The following LRRC2 variants were observed in gnomAD, a reference collection of about 807,000 sequenced individuals.
LRRC2 encodes the protein leucine rich repeat containing 2, also known as leucine-rich repeat-containing protein 2.
LRRC2 carries 27 observed loss-of-function variants against 40.2 expected under a neutral mutation model. The ratio of observed to expected loss-of-function variants is 0.67; its 90% CI spans 0.49 to 0.93. The LOEUF (loss-of-function observed/expected upper bound fraction) is 0.93. LRRC2 is among the 40% of genes least tolerant of loss of function. The pLI is 0.00. For missense variants in LRRC2, 402 were observed against 439.6 expected (o/e 0.91, Z 0.76); for synonymous variants, 147 against 158.9 (o/e 0.92, Z 0.56).
chr3:46,534,428 C>G (rs1045940180), intron 4 of LRRC2, among the ~76,000 whole-genome samples: 3 of 107,898 alleles, frequency 2.8e-5, no homozygotes, highest in African/African-American at 5.6e-5. Flanking sequence ...TCCTTCCTTT[C>G]TTTCTTTCTT....
chr3:46,548,658 CAAT>C (rs1294684114), intron 2 of LRRC2, among the ~76,000 whole-genome samples: 1 of 152,228 alleles, frequency 6.6e-6, no homozygotes, highest in Non-Finnish European at 1.5e-5. Context: ...CAAACAGCCT[CAAT>C]GGAGAAGAAA....
In LRRC2 at chr3:46,529,834, T is replaced by C; in HGVS notation, c.773+71A>G. The C allele has an allele frequency of 2.7e-6, 4 of 1,505,422 alleles. No homozygotes were observed. The South Asian group carries it at 4.7e-5, about 18-fold the overall frequency. The allele number at this position is 1,505,422 out of a possible 1,614,324, so 93.3% of individuals were successfully genotyped here. A position where few individuals can be genotyped will look rare whatever the true frequency, so the allele number is the denominator to read the frequency against. On this transcript the variant is annotated intron_variant, in intron 6 of 8. Coordinates refer to ENST00000395905, the MANE Select transcript of LRRC2 (RefSeq NM_024512.5). ...AAGAACATTCATGTACTATACATGT[T>C]TCAAATGTTAACAGTGTTTGAAGCG...
chr3:46,551,338 T>G, intron 2 of LRRC2, 129 bp downstream of exon 2: 1 of 1,174,968 alleles, frequency 8.5e-7, no homozygotes, highest in Non-Finnish European at 1.2e-6. Flanking sequence ...CTCTGAAGTT[T>G]AATGAGGAAA....
intron 2 of LRRC2, among the ~76,000 whole-genome samples, chr3:46,550,804 C>T (rs931674071): frequency 5.9e-5 from 9 of 152,172 alleles, no homozygotes; most frequent in Non-Finnish European, 1.0e-4. Context: ...CCCATTGTGT[C>T]AATCTTATAT....
At position 46,518,897 on chromosome 3, in the gene LRRC2, T is replaced by C; in HGVS notation, c.*117A>G. 2 of 745,350 alleles carry C rather than the reference T, an allele frequency of 2.7e-6. No homozygotes were observed. The highest frequency in any genetic ancestry group is 4.7e-6 in the Non-Finnish European group (2 of 425,862). 46.2% of individuals were successfully genotyped at this position (745,350 alleles called of 1,614,324 possible). On this transcript the variant is annotated 3_prime_UTR_variant, in exon 9 of 9. Coordinates refer to ENST00000395905, the MANE Select transcript of LRRC2 (RefSeq NM_024512.5). The stretch of plus-strand genomic sequence containing the variant: ...AAACCATTTTTTTTAGCAACTATGA[T>C]AGTGGTTTCTAGACTTTGTCCTTAA...
rs115685388 is a variant in LRRC2, at chr3:46,544,532, C to T, written c.333+514G>A. Among the ~76,000 whole-genome samples the T allele has an allele frequency of 4.2e-3, 647 of 152,236 alleles. 10 individuals are homozygous for T. The highest frequency in any genetic ancestry group is 0.015 in the African/African-American group (609 of 41,540). On this transcript the variant is annotated intron_variant, in intron 3 of 8. Transcript: ENST00000395905. ...GATACAAAGAGATGGACGGAGGGTC[C>T]CAGGGAACCCTGTCCCGATGAAATG... is the stretch of plus-strand genomic sequence containing the variant.
At chr3:46,538,166 T>C (rs1704307428) in intron 4 of LRRC2, among the ~76,000 whole-genome samples, 1 of 152,182 alleles carries the variant, frequency 6.6e-6, no homozygotes, top group East Asian at 1.9e-4. Flanking sequence ...AATTTTCACA[T>C]AACTATGCGA....
chr3:46,534,415 C>CT (rs1704229600), intron 4 of LRRC2, among the ~76,000 whole-genome samples: 4 of 79,354 alleles, frequency 5.0e-5, no homozygotes, highest in South Asian at 6.1e-4. Flanking sequence ...CTTTTCTTTT[C>CT]CTTCCTTCCT....
intron 1 of LRRC2, among the ~76,000 whole-genome samples, chr3:46,562,731 C>CCT (rs1704972288): frequency 7.0e-6 from 1 of 141,912 alleles, no homozygotes; most frequent in Non-Finnish European, 1.5e-5. Flanking sequence ...GAAGTTACTT[C>CCT]TTTTTTTTTT....
In LRRC2 at chr3:46,518,040, T is replaced by C. The variant is rs1354066976; in HGVS notation, c.*974A>G. ...CCACTCAGGACTGGATGGCCATCCA[T>C]GAAGGCCACTGAAGACTTCCCATGA... On this transcript the variant is annotated 3_prime_UTR_variant, in exon 9 of 9. Coordinates refer to ENST00000395905, the MANE Select transcript of LRRC2 (RefSeq NM_024512.5). 2 of 152,240 alleles carry C rather than the reference T, an allele frequency of 1.3e-5. No homozygotes were observed. The highest frequency in any genetic ancestry group is 1.3e-4 in the Admixed American group (2 of 15,278). 9.4% of individuals were successfully genotyped at this position (152,240 alleles called of 1,614,324 possible).
intron 5 of LRRC2, among the ~76,000 whole-genome samples, chr3:46,530,733 C>T (rs1404820355): frequency 6.6e-6 from 1 of 152,154 alleles, no homozygotes; most frequent in African/African-American, 2.4e-5. Flanking sequence ...ATAAAACCAC[C>T]AGATCTCATG....
chr3:46,533,041 G>GT (rs751523220), intron 4 of LRRC2, 132 bp from the exon 5 acceptor site: 78 of 894,544 alleles, frequency 8.7e-5, no homozygotes, highest in Non-Finnish European at 1.3e-4. Flanking sequence ...TAGTATTTGG[G>GT]TTTTGGGGGG....
At chr3:46,552,076 A>G (rs1704669182) in intron 1 of LRRC2, among the ~76,000 whole-genome samples, 1 of 152,092 alleles carries the variant, frequency 6.6e-6, no homozygotes, top group Non-Finnish European at 1.5e-5. Flanking sequence ...AGTAAGTCAT[A>G]GTTCAACACT....
rs1174840925 is a variant in LRRC2 at position 46,563,951 on chromosome 3, G to C, written c.-20+2226C>G. On this transcript the variant is annotated intron_variant, in intron 1 of 8. Transcript: ENST00000395905. Reference sequence around the variant, plus strand: ...TCTCCTGCTTCTGAACCTCAACACAGAAACCGTGTGTACTGAGCCAGTGTA... The same window carrying C: ...TCTCCTGCTTCTGAACCTCAACACACAAACCGTGTGTACTGAGCCAGTGTA... Among the ~76,000 whole-genome samples, 35 of 152,228 alleles carry C rather than the reference G, an allele frequency of 2.3e-4. 1 individual carries two copies. The highest frequency in any genetic ancestry group is 2.3e-3 in the Admixed American group (35 of 15,284).
At chr3:46,559,842 C>T (rs1197741344) in intron 1 of LRRC2, 1 of 152,198 alleles carries the variant, frequency 6.6e-6, no homozygotes, top group Non-Finnish European at 1.5e-5. Flanking sequence ...CCATGTTCAC[C>T]ATTTTCCCTG....
At chr3:46,523,567 C>T (rs553722291) in intron 7 of LRRC2, among the ~76,000 whole-genome samples, 10 of 152,202 alleles carry the variant, frequency 6.6e-5, no homozygotes, top group Admixed American at 6.5e-4. Context: ...GAAAAAAGTT[C>T]ATAGTGAACA....
At chr3:46,556,740 G>A (rs559003406) in intron 1 of LRRC2, among the ~76,000 whole-genome samples, 2 of 151,624 alleles carry the variant, frequency 1.3e-5, no homozygotes, top group African/African-American at 2.4e-5. Context: ...CACCACGCCC[G>A]GCTAATTTTT....
chr3:46,552,034 A>T (rs1361564667), intron 1 of LRRC2, among the ~76,000 whole-genome samples: 1 of 151,922 alleles, frequency 6.6e-6, no homozygotes, highest in Non-Finnish European at 1.5e-5. Context: ...ACAGTTTCCT[A>T]ATGTTCTTAA....
At chr3:46,527,330 A>C in intron 7 of LRRC2, 96 bp downstream of exon 7, 2 of 1,304,772 alleles carry the variant, frequency 1.5e-6, no homozygotes, top group Non-Finnish European at 2.2e-6. Flanking sequence ...TACGAGAGCC[A>C]TCTAATCCGG....
Sources: gnomAD v4.1 joint callset for allele counts (sites outside exome capture counted in the v4.1 genomes callset) on GRCh38, gnomAD v4.1.1 for gene constraint, MANE v1.5 for transcripts, NCBI Gene and HGNC (gene_info 2026-07-23, HGNC 2026-07-21) for gene names.